Variants in ABCA13 observed in about 807,000 individuals in gnomAD.
ABCA13 encodes ATP binding cassette subfamily A member 13, also known as ATP-binding cassette sub-family A member 13.
Under a neutral mutation model 478.7 loss-of-function variants are expected in ABCA13, and 476 were observed. The ratio of observed to expected loss-of-function variants is 0.99; its 90% CI spans 0.92 to 1.07. The LOEUF is 1.07. Among genes scored for constraint, ABCA13 ranks in the 50% least tolerant of loss-of-function variants. ABCA13 has a pLI of 0.00. For synonymous variants in ABCA13, 2,252 were observed against 2,158.9 expected, an observed-to-expected ratio of 1.04 and a Z score of -1.20; for missense variants, 6,060 against 5,910.6, an observed-to-expected ratio of 1.03 and a Z score of -0.83.
intron 35 of ABCA13, among the ~76,000 whole-genome samples, chr7:48,383,325 A>G (rs1585095579): frequency 6.6e-6 from 1 of 152,202 alleles, no homozygotes; most frequent in East Asian, 1.9e-4. Context: ...GCATGTGTAC[A>G]TGTGTACTCG....
chr7:48,580,426 G>C, intron 56 of ABCA13, 52 bp downstream of exon 56: 1 of 1,567,458 alleles, frequency 6.4e-7, no homozygotes, highest in Non-Finnish European at 8.7e-7. Context: ...GGAATGCTTG[G>C]TGACCACCTC....
Position 48,275,862 on chromosome 7 carries a change from A to G in ABCA13, c.6196A>G (p.Met2066Val). 1.2e-6 allele frequency: 2 copies of G among 1,613,556 alleles called. No homozygotes were observed. Among genetic ancestry groups the G allele is most frequent in the Non-Finnish European group, 1.7e-6 (2 of 1,179,816 alleles). The change falls in exon 17 of 62, where the codon ATG (methionine) becomes GTG (valine). Residue 2066 changes from methionine to valine, a missense_variant. Coordinates refer to ENST00000435803, the MANE Select transcript of ABCA13 (RefSeq NM_152701.5). ...ACTATGGCCCAAGTTTCAACAAATC[A>G]TGAAAGACCTAACCCAAGATTTTAG... ...EELWPKFQQIMKDLTQDFRIR... is the reference protein window; with the variant it reads ...EELWPKFQQIVKDLTQDFRIR...
At chr7:48,603,182 CA>C (rs1464249724) in intron 58 of ABCA13, among the ~76,000 whole-genome samples, 1 of 152,126 alleles carries the variant, frequency 6.6e-6, no homozygotes, top group Non-Finnish European at 1.5e-5. Flanking sequence ...CAAGCAGAGG[CA>C]ATTTGACTTC....
chr7:48,276,249 C>T lies in ABCA13; in HGVS notation c.6583C>T (p.Leu2195=), dbSNP rs754633474. ...TACCCATCTGCTAAATCAAGAACAG[C>T]TGACTAATTTCTCAGTTGTTCAGCT... is the stretch of plus-strand genomic sequence containing the variant. ...FLTHLLNQEQ[L]TNFSVVQLLF... Residue 2195 remains leucine, a synonymous_variant, in exon 17 of 62, where the codon CTG becomes TTG. Coordinates refer to ENST00000435803, the MANE Select transcript of ABCA13 (RefSeq NM_152701.5). The T allele has an allele frequency of 6.4e-7, 1 of 1,573,044 alleles. No homozygotes were observed. The highest frequency in any genetic ancestry group is 1.3e-5 in the African/African-American group (1 of 74,082).
intron 55 of ABCA13, among the ~76,000 whole-genome samples, chr7:48,550,147 G>A (rs1785175136): frequency 6.6e-6 from 1 of 151,816 alleles, no homozygotes; most frequent in Non-Finnish European, 1.5e-5. Flanking sequence ...GGCAGATGAA[G>A]CATAGCTAAC....
At chr7:48,517,769 A>G (rs1302871272) in intron 52 of ABCA13, among the ~76,000 whole-genome samples, 1 of 152,092 alleles carries the variant, frequency 6.6e-6, no homozygotes, top group Non-Finnish European at 1.5e-5. Flanking sequence ...TTCTCTCCTG[A>G]TTCCCTGCTG....
intron 29 of ABCA13, among the ~76,000 whole-genome samples, chr7:48,340,192 C>T (rs1456444506): frequency 1.3e-5 from 2 of 152,092 alleles, no homozygotes; most frequent in Admixed American, 6.5e-5. Flanking sequence ...CTGCAACCTG[C>T]GACTTCTGGG....
intron 59 of ABCA13, among the ~76,000 whole-genome samples, chr7:48,634,910 T>G (rs187690612): frequency 1.4e-4 from 22 of 152,294 alleles, no homozygotes; most frequent in Admixed American, 5.2e-4. Context: ...ACGCAGCTGG[T>G]AAGATTCACT....
chr7:48,333,951 G>C (rs777006804), intron 27 of ABCA13, among the ~76,000 whole-genome samples: 1 of 152,178 alleles, frequency 6.6e-6, no homozygotes, highest in Admixed American at 6.5e-5. Context: ...CCATTTGCCT[G>C]GCTATTCATT....
At chr7:48,510,727 C>T (rs934764490) in intron 50 of ABCA13, among the ~76,000 whole-genome samples, 1 of 152,152 alleles carries the variant, frequency 6.6e-6, no homozygotes, top group Non-Finnish European at 1.5e-5. Flanking sequence ...CTCCCTGTGT[C>T]CTCACATGTC....
intron 59 of ABCA13, among the ~76,000 whole-genome samples, chr7:48,623,262 TGA>T (rs1216280495): frequency 1.3e-5 from 2 of 152,262 alleles, no homozygotes; most frequent in South Asian, 2.1e-4. Context: ...TCTAATTTCC[TGA>T]GAGACACCTC....
intron 55 of ABCA13, among the ~76,000 whole-genome samples, chr7:48,575,257 A>G (rs1788052059): frequency 6.6e-6 from 1 of 152,166 alleles, no homozygotes; most frequent in Non-Finnish European, 1.5e-5. Context: ...CACTATGGAA[A>G]GATTCTAACT....
At chr7:48,408,240 C>T (rs1196377553) in intron 39 of ABCA13, among the ~76,000 whole-genome samples, 2 of 152,222 alleles carry the variant, frequency 1.3e-5, no homozygotes, top group Non-Finnish European at 2.9e-5. Context: ...CTCCTCCCTC[C>T]CTGCTCCCTG....
chr7:48,316,209 G>C (rs1802553661), intron 26 of ABCA13, among the ~76,000 whole-genome samples: 1 of 152,068 alleles, frequency 6.6e-6, no homozygotes, highest in South Asian at 2.1e-4. Flanking sequence ...TTAAGTACTT[G>C]CGTGAAAATA....
rs763447376 is a variant in ABCA13 at position 48,248,472 on chromosome 7, T to C, written c.1865+28T>C. ...AAGTACATGTTTGGTGGGAAACTTA[T>C]AAACAATTGGGACATCAGAATGATT... On this transcript the variant is annotated intron_variant, in intron 14 of 61. Coordinates refer to ENST00000435803, the MANE Select transcript of ABCA13 (RefSeq NM_152701.5). The C allele has an allele frequency of 5.3e-6, 8 of 1,513,366 alleles. No homozygotes were observed. In the Middle Eastern group the frequency reaches 5.3e-4, roughly 100 times the overall value. 93.7% of individuals were successfully genotyped at this position (1,513,366 alleles called of 1,614,324 possible). A position where few individuals can be genotyped will look rare whatever the true frequency, so the allele number is the denominator to read the frequency against.
At position 48,556,223 on chromosome 7, in the gene ABCA13, G is replaced by A. The variant is rs373916850; in HGVS notation, c.14355-24001G>A. Among the ~76,000 whole-genome samples the A allele has an allele frequency of 2.2e-4, 34 of 151,788 alleles. No individual in the cohort carries two copies. The East Asian group carries it at 2.3e-3, about 10-fold the overall frequency. ...TTTAAGATTTGTTTTGTGATCTCAT[G>A]TATGTTCTTTCCTTGACAGTGATCT... On this transcript the variant is annotated intron_variant, in intron 55 of 61. Coordinates refer to ENST00000435803, the MANE Select transcript of ABCA13 (RefSeq NM_152701.5).
chr7:48,174,960 A>G (rs2128851777), intron 1 of ABCA13, among the ~76,000 whole-genome samples: 1 of 152,318 alleles, frequency 6.6e-6, no homozygotes, highest in South Asian at 2.1e-4. Context: ...TGCATGAAGG[A>G]CACACCTTCT....
chr7:48,372,555 A>G (rs1388905265), intron 33 of ABCA13, 58 bp downstream of exon 33: 1 of 1,347,298 alleles, frequency 7.4e-7, no homozygotes. Context: ...CAATCTATCT[A>G]ACAAGACAAA....
intron 34 of ABCA13, 22 bp from the exon 35 acceptor site, chr7:48,376,419 C>T (rs372530390): frequency 3.2e-5 from 52 of 1,611,376 alleles, no homozygotes; most frequent in Non-Finnish European, 4.2e-5. Flanking sequence ...AGTTCTAACT[C>T]TGACCTTTTT....
Sources: allele counts gnomAD v4.1 joint callset (sites outside exome capture counted in the v4.1 genomes callset), GRCh38; gene constraint gnomAD v4.1.1; transcripts MANE v1.5; gene names NCBI Gene and HGNC (gene_info 2026-07-23, HGNC 2026-07-21).